Variants in ADAMTS17 observed in about 807,000 individuals in gnomAD.
ADAMTS17 encodes A disintegrin and metalloproteinase with thrombospondin motifs 17.
In ADAMTS17, 113 loss-of-function variants were observed where a neutral mutation model predicts 141.5. The observed-to-expected ratio is 0.80, with a 90% CI of 0.69 to 0.93. ADAMTS17 has a LOEUF of 0.93. ADAMTS17 is among the 40% of genes least tolerant of loss of function. The pLI, the probability that ADAMTS17 is intolerant of heterozygous loss-of-function variation, is 0.00. For synonymous variants in ADAMTS17, 768 were observed against 630.6 expected (o/e 1.22, Z -3.27); for missense variants, 1,659 against 1,517.9 (o/e 1.09, Z -1.54).
intron 15 of ADAMTS17, among the ~76,000 whole-genome samples, chr15:100,058,268 CCCTATCCCGGCTCTAACCCT>C (rs1567101936): frequency 4.7e-3 from 502 of 107,370 alleles, no homozygotes; most frequent in African/African-American, 6.3e-3. Context: ...GCTCTGACAC[CCCTATCCCGGCTCTAACCCT>C]CCTATCCCGG....
chr15:100,096,595 T>A lies in ADAMTS17; in HGVS notation c.2017-119A>T, dbSNP rs971161921. 6 of 1,310,842 alleles carry A rather than the reference T, an allele frequency of 4.6e-6. No homozygotes were observed. The African/African-American group carries it at 8.8e-5, about 19-fold the overall frequency. 81.2% of individuals were successfully genotyped at this position (1,310,842 alleles called of 1,614,324 possible). ...GCATACATGGGGCCTGGGGCCCTGA[T>A]CCATTCAGAGGCCCAAGAAAATATT... On this transcript the variant is annotated intron_variant, in intron 14 of 21. Coordinates refer to ENST00000268070, the MANE Select transcript of ADAMTS17 (RefSeq NM_139057.4).
At chr15:100,234,941 A>T (rs994823667) in intron 7 of ADAMTS17, among the ~76,000 whole-genome samples, 1 of 152,246 alleles carries the variant, frequency 6.6e-6, no homozygotes, top group Non-Finnish European at 1.5e-5. Context: ...CAACCAAACA[A>T]GAGAAAGGCA....
At position 99,993,201 on chromosome 15, in the gene ADAMTS17, CT is replaced by C; in HGVS notation, c.2797-2del. ...CCCCTTTACCACAGCTGGCAGAGCA[CT>C]GCAAGACACCATTCAAATATTTAAC... On this transcript the variant is annotated splice_acceptor_variant, in intron 19 of 21. Transcript: ENST00000268070. LOFTEE classifies it high-confidence loss of function. The surrounding 1 kb of genome is among the most constrained non-coding windows in gnomAD (Gnocchi z 4.3). 6.2e-7 allele frequency: 1 copy of C among 1,614,200 alleles called. No individual in the cohort carries two copies. Among genetic ancestry groups the C allele is most frequent in the Non-Finnish European group, 8.5e-7 (1 of 1,180,044 alleles).
chr15:100,215,811 G>A (rs958732729), intron 7 of ADAMTS17, among the ~76,000 whole-genome samples: 1 of 151,992 alleles, frequency 6.6e-6, no homozygotes. Context: ...TCCTGCTGCT[G>A]GCAGGATGGC....
intron 10 of ADAMTS17, among the ~76,000 whole-genome samples, chr15:100,135,266 C>T (rs12441366): frequency 0.94 from 142,208 of 152,052 alleles, 67,194 homozygotes; most frequent in East Asian, 1. Context: ...TAATGAATTA[C>T]ACCATATTAA....
chr15:100,084,651 G>A (rs1423531222), intron 15 of ADAMTS17, among the ~76,000 whole-genome samples: 1 of 152,194 alleles, frequency 6.6e-6, no homozygotes, highest in African/African-American at 2.4e-5. Flanking sequence ...AGAACTTCCA[G>A]AGGAACGATC....
chr15:100,279,458 G>A (rs1218274814), intron 4 of ADAMTS17, among the ~76,000 whole-genome samples: 1 of 152,178 alleles, frequency 6.6e-6, no homozygotes, highest in African/African-American at 2.4e-5. Flanking sequence ...CACAACCCAC[G>A]GCTGCTGTGT....
In ADAMTS17 at chr15:100,092,231, C is replaced by T. The variant is rs1009429653; in HGVS notation, c.2137+4125G>A. Among the ~76,000 whole-genome samples, 3 of 152,232 alleles carry T rather than the reference C, an allele frequency of 2.0e-5. 1 individual carries two copies. The South Asian group carries it at 6.2e-4, about 32-fold the overall frequency. On this transcript the variant is annotated intron_variant, in intron 15 of 21. Coordinates refer to ENST00000268070, the MANE Select transcript of ADAMTS17 (RefSeq NM_139057.4). ...TCTTTTATAGCTTTAAAATTGGTTTCATCTTACAGTTTTTCTGATGGTAAT... is the reference window on the plus strand; with the variant it reads ...TCTTTTATAGCTTTAAAATTGGTTTTATCTTACAGTTTTTCTGATGGTAAT...
At chr15:100,331,271 C>T (rs780804901) in intron 2 of ADAMTS17, among the ~76,000 whole-genome samples, 1 of 152,128 alleles carries the variant, frequency 6.6e-6, no homozygotes, top group Non-Finnish European at 1.5e-5. Flanking sequence ...GGTAGGGGTA[C>T]AGAGACAGAT....
chr15:100,010,164 T>A (rs1202694834), intron 18 of ADAMTS17, among the ~76,000 whole-genome samples: 2 of 152,212 alleles, frequency 1.3e-5, no homozygotes, highest in African/African-American at 4.8e-5. Context: ...CTGTGAGGCC[T>A]CCCCTGCCAC....
chr15:100,133,741 G>A (rs1200753671), intron 10 of ADAMTS17, among the ~76,000 whole-genome samples: 3 of 152,198 alleles, frequency 2.0e-5, no homozygotes, highest in Non-Finnish European at 2.9e-5. Context: ...TGCTGGAAGA[G>A]GCAACTCTGA....
intron 18 of ADAMTS17, among the ~76,000 whole-genome samples, chr15:100,042,050 G>A (rs1723004687): frequency 6.6e-6 from 1 of 152,094 alleles, no homozygotes. Context: ...CAGGTTCCAG[G>A]CTCTGTCCTC....
intron 3 of ADAMTS17, among the ~76,000 whole-genome samples, chr15:100,298,986 T>G (rs1304590406): frequency 5.3e-5 from 8 of 152,218 alleles, no homozygotes; most frequent in Non-Finnish European, 1.0e-4. Flanking sequence ...TGTAGGTGGC[T>G]GTCACCTTCC....
At chr15:100,334,428 G>T (rs1596546559) in intron 2 of ADAMTS17, among the ~76,000 whole-genome samples, 1 of 152,260 alleles carries the variant, frequency 6.6e-6, no homozygotes, top group Non-Finnish European at 1.5e-5. Flanking sequence ...CCTTCTCTAG[G>T]TCAAGATGGG....
At chr15:100,064,934 A>C (rs1158993051) in intron 15 of ADAMTS17, among the ~76,000 whole-genome samples, 1 of 152,198 alleles carries the variant, frequency 6.6e-6, no homozygotes, top group African/African-American at 2.4e-5. Context: ...TAGATTACAA[A>C]TCCTAGCCCT....
chr15:100,236,675 A>G (rs896781918), intron 7 of ADAMTS17, among the ~76,000 whole-genome samples: 9 of 152,136 alleles, frequency 5.9e-5, no homozygotes, highest in African/African-American at 1.9e-4. Context: ...TTGTTTCTAC[A>G]TAAAATAAAA....
chr15:100,244,620 G>A (rs1025959684), intron 7 of ADAMTS17, among the ~76,000 whole-genome samples: 1 of 152,022 alleles, frequency 6.6e-6, no homozygotes. Flanking sequence ...CCTGGTGATG[G>A]GCTCAGCCTT....
chr15:100,118,643 CT>C (rs1228655159), intron 12 of ADAMTS17, among the ~76,000 whole-genome samples: 1 of 152,164 alleles, frequency 6.6e-6, no homozygotes. Context: ...CTCGGACAGC[CT>C]CCCCAGGCAG....
chr15:100,228,627 C>G (rs566880167), intron 7 of ADAMTS17, among the ~76,000 whole-genome samples: 1 of 152,212 alleles, frequency 6.6e-6, no homozygotes, highest in African/African-American at 2.4e-5. Context: ...CACGAGAGAG[C>G]GCTGAACAGA....
Sources: gnomAD v4.1 joint callset for allele counts (sites outside exome capture counted in the v4.1 genomes callset) on GRCh38, gnomAD v4.1.1 for gene constraint, Gnocchi (gnomAD v3.1) non-coding constraint, MANE v1.5 for transcripts, NCBI Gene and HGNC (gene_info 2026-07-23, HGNC 2026-07-21) for gene names.